KLHL5: variants seen among roughly 807,000 people sequenced by gnomAD.
KLHL5 encodes the protein kelch like family member 5.
In KLHL5, 48 loss-of-function variants were observed where a neutral mutation model predicts 77.7. That is an observed-to-expected ratio of 0.62 (90% confidence interval 0.49 to 0.79). The LOEUF (loss-of-function observed/expected upper bound fraction) is 0.79. Among genes scored for constraint, KLHL5 ranks in the 30% least tolerant of loss-of-function variants. The pLI, the probability that KLHL5 is intolerant of heterozygous loss-of-function variation, is 0.00. For missense variants in KLHL5, 723 were observed against 859.7 expected (o/e 0.84, Z 1.99); for synonymous variants, 260 against 297.0 (o/e 0.88, Z 1.28).
At chr4:39,059,552 G>C (rs981674687), upstream of KLHL5, among the ~76,000 whole-genome samples, 1 of 152,138 alleles carries the variant, frequency 6.6e-6, no homozygotes. Flanking sequence ...TTTGAGACTA[G>C]CCTGGCCAAT....
At chr4:39,142,181 T>A in the KLHL5 span, among the ~76,000 whole-genome samples, 3 of 151,988 alleles carry the variant, frequency 2.0e-5, no homozygotes, top group Non-Finnish European at 4.4e-5. Context: ...ATATTCAAAC[T>A]CAACATTTTA....
At chr4:39,107,316 G>A (rs546855696) in intron 7 of KLHL5, among the ~76,000 whole-genome samples, 148 of 152,234 alleles carry the variant, frequency 9.7e-4, no homozygotes, top group African/African-American at 3.4e-3. Flanking sequence ...CCAAACCGCT[G>A]AGATTACAGG....
In KLHL5 at chr4:39,121,704, T is replaced by C. The variant is rs1273129221; in HGVS notation, c.*638T>C. 6.5e-6 allele frequency: 1 copy of C among 152,672 alleles called. No individual in the cohort carries two copies. The highest frequency in any genetic ancestry group is 6.5e-5 in the Admixed American group (1 of 15,274). The allele number at this position is 152,672 out of a possible 1,614,324, so 9.5% of individuals were successfully genotyped here. Reference sequence around the variant, plus strand: ...AGGATCTTTGAAGTCTATTTAAATATTCATTCCATTACATCTAGACTCACC... The same window carrying C: ...AGGATCTTTGAAGTCTATTTAAATACTCATTCCATTACATCTAGACTCACC... On this transcript the variant is annotated 3_prime_UTR_variant, in exon 11 of 11. Coordinates refer to ENST00000504108, the MANE Select transcript of KLHL5 (RefSeq NM_015990.5).
Position 39,062,355 on chromosome 4 carries a change from T to A in KLHL5, c.-298T>A, listed in dbSNP as rs952257368. On this transcript the variant is annotated 5_prime_UTR_variant, in exon 1 of 11. An upstream start codon of the reference 5' UTR is lost. Transcript: ENST00000504108. ...TGTTTGTGAGACCTAATGGTCAGTA[T>A]GGGAAAGGAGAGCCGGGAAAGTGGT... 2.1e-6 allele frequency: 3 copies of A among 1,433,354 alleles called. No homozygotes were observed. The highest frequency in any genetic ancestry group is 2.7e-6 in the Non-Finnish European group (3 of 1,100,234). The allele number at this position is 1,433,354 out of a possible 1,614,324, so 88.8% of individuals were successfully genotyped here.
chr4:39,084,943 C>G (rs1719914854), intron 4 of KLHL5, among the ~76,000 whole-genome samples: 1 of 152,074 alleles, frequency 6.6e-6, no homozygotes, highest in South Asian at 2.1e-4. Flanking sequence ...AACATATAGG[C>G]TATTTCCCAT....
chr4:39,046,246 T>C (rs768353882), intron 1 of KLHL5, among the ~76,000 whole-genome samples: 1 of 152,088 alleles, frequency 6.6e-6, no homozygotes, highest in Non-Finnish European at 1.5e-5. Context: ...AACTATATAT[T>C]TGAAGCAATC....
intron 1 of KLHL5, among the ~76,000 whole-genome samples, chr4:39,069,233 C>A (rs752749704): frequency 2.6e-5 from 4 of 151,976 alleles, no homozygotes; most frequent in East Asian, 1.9e-4. Flanking sequence ...ATGGCCACAA[C>A]TGGTTACAAA....
intron 1 of KLHL5, among the ~76,000 whole-genome samples, chr4:39,055,561 C>T (rs1391786215): frequency 6.6e-6 from 1 of 152,054 alleles, no homozygotes; most frequent in Non-Finnish European, 1.5e-5. Context: ...AATGAATGTG[C>T]ATGTATATGT....
In KLHL5 at chr4:39,103,523, T is replaced by G; in HGVS notation, c.1525+12T>G. 6.3e-7 allele frequency: 1 copy of G among 1,597,546 alleles called. No homozygotes were observed. Among genetic ancestry groups the G allele is most frequent in the Non-Finnish European group, 8.6e-7 (1 of 1,165,110 alleles). On this transcript the variant is annotated intron_variant, in intron 7 of 10. Transcript: ENST00000504108. ...TAGACATGGCCTTGGTAAGTACAAC[T>G]ATGCAGATTCACTCAAAATATCACA...
chr4:39,121,024 C>A lies in KLHL5; in HGVS notation c.2088C>A (p.Cys696Ter), dbSNP rs1409006472. ...TNEWTQVAPL[C>*]LGRAGACVVT... ...TTCCTTTTTAGGTTGCTCCACTGTG[C>A]CTAGGAAGAGCTGGAGCTTGTGTTG... is the stretch of plus-strand genomic sequence containing the variant. The change falls in exon 11 of 11, where the codon TGC becomes TGA. Residue 696 changes from cysteine (C) to a stop codon, truncating the protein, a stop_gained. Coordinates refer to ENST00000504108, the MANE Select transcript of KLHL5 (RefSeq NM_015990.5). LOFTEE classifies it high-confidence loss of function. The A allele has an allele frequency of 1.9e-6, 3 of 1,613,292 alleles. No homozygotes were observed. Among genetic ancestry groups the A allele is most frequent in the Non-Finnish European group, 2.5e-6 (3 of 1,179,348 alleles).
downstream of KLHL5, among the ~76,000 whole-genome samples, chr4:39,130,456 G>T (rs568715470): frequency 1.2e-4 from 18 of 152,306 alleles, no homozygotes; most frequent in Non-Finnish European, 2.1e-4. Context: ...TGGGCGTTAT[G>T]GCCATCATGA....
chr4:39,120,244 A>T (rs1167451290), intron 10 of KLHL5: 1 of 152,228 alleles, frequency 6.6e-6, no homozygotes, highest in Non-Finnish European at 1.5e-5. Context: ...ATTTTTGTCC[A>T]CACTTTTATT....
At chr4:39,102,022 A>G (rs966850501) in intron 6 of KLHL5, among the ~76,000 whole-genome samples, 1 of 150,336 alleles carries the variant, frequency 6.7e-6, no homozygotes, top group Non-Finnish European at 1.5e-5. Context: ...AGACTTGTCT[A>G]TCCCAAATAA....
downstream of KLHL5, among the ~76,000 whole-genome samples, chr4:39,130,515 A>C (rs1359269638): frequency 1.3e-5 from 2 of 152,146 alleles, no homozygotes; most frequent in East Asian, 3.8e-4. Context: ...TTTTGGGGTC[A>C]GTTTATGGCC....
At position 39,046,036 on chromosome 4, in the gene KLHL5, CTT is replaced by C. The variant is rs71192816; in HGVS notation, c.-95+953_-95+954del. Among the ~76,000 whole-genome samples, 81 of 143,756 alleles carry C rather than the reference CTT, an allele frequency of 5.6e-4. 1 individual carries two copies. The highest frequency in any genetic ancestry group is 1.4e-3 in the African/African-American group (56 of 38,794). The allele number at this position is 143,756 out of a possible 152,430, so 94.3% of individuals were successfully genotyped here. A position where few individuals can be genotyped will look rare whatever the true frequency, so the allele number is the denominator to read the frequency against. ...TCTGGCGGCAAAAAACCAATCATGA[CTT>C]TTTTTTTTTTTTCTGGTTTTCAGCA... On this transcript the variant is annotated intron_variant, in intron 1 of 11. Transcript: ENST00000261425.
In KLHL5 at chr4:39,112,846, A is replaced by G; in HGVS notation, c.1689-174A>G. On this transcript the variant is annotated intron_variant, in intron 8 of 10. Transcript: ENST00000504108. ...ATGTATATACAGAGTGATATATGAT[A>G]CTTACATGTGTCATTTCAAACATAG... 3 of 601,618 alleles carry G rather than the reference A, an allele frequency of 5.0e-6. No individual in the cohort carries two copies. In the African/African-American group the frequency reaches 5.6e-5, roughly 11 times the overall value. The allele number at this position is 601,618 out of a possible 1,614,324, so 37.3% of individuals were successfully genotyped here. A position where few individuals can be genotyped will look rare whatever the true frequency, so the allele number is the denominator to read the frequency against.
At chr4:39,111,821 T>C (rs1386659689) in intron 8 of KLHL5, among the ~76,000 whole-genome samples, 1 of 152,164 alleles carries the variant, frequency 6.6e-6, no homozygotes, top group Non-Finnish European at 1.5e-5. Flanking sequence ...GTTTAAGATA[T>C]GGTCATCTTA....
downstream of KLHL5, among the ~76,000 whole-genome samples, chr4:39,130,439 T>G (rs982870241): frequency 9.9e-5 from 15 of 152,150 alleles, no homozygotes; most frequent in Admixed American, 5.9e-4. Context: ...CCCACAACCT[T>G]CCAGTGTGGG....
At chr4:39,056,494 T>C (rs1348083436) in intron 1 of KLHL5, among the ~76,000 whole-genome samples, 2 of 152,214 alleles carry the variant, frequency 1.3e-5, no homozygotes, top group Admixed American at 1.3e-4. Context: ...TTTAACATGG[T>C]GCTAGAAATC....
Sources: gnomAD v4.1 joint callset for allele counts (sites outside exome capture counted in the v4.1 genomes callset) on GRCh38, gnomAD v4.1.1 for gene constraint, MANE v1.5 for transcripts, NCBI Gene and HGNC (gene_info 2026-07-23, HGNC 2026-07-21) for gene names.